BRSK2: variants seen among roughly 807,000 people sequenced by gnomAD.
The protein encoded by BRSK2 is serine/threonine-protein kinase BRSK2.
Under a neutral mutation model 83.3 loss-of-function variants are expected in BRSK2, and 19 were observed. That is an observed-to-expected ratio of 0.23 (90% CI 0.16 to 0.33). BRSK2 has a LOEUF of 0.33. BRSK2 is among the 10% of genes least tolerant of loss of function. The pLI, the probability that BRSK2 is intolerant of heterozygous loss-of-function variation, is 1.00. For synonymous variants in BRSK2, 519 were observed against 435.4 expected (o/e 1.19, Z -2.39); for missense variants, 798 against 1,042.3 (o/e 0.77, Z 3.23).
intron 1 of BRSK2, among the ~76,000 whole-genome samples, chr11:1,395,795 A>G (rs980610292): frequency 1.3e-5 from 2 of 152,208 alleles, no homozygotes; most frequent in African/African-American, 4.8e-5. Context: ...GGAAGCCTCA[A>G]GGCCAGGCTG....
chr11:1,420,996 C>T (rs10833703), intron 1 of BRSK2, among the ~76,000 whole-genome samples: 39,733 of 152,152 alleles, frequency 0.26, 5,352 homozygotes, highest in South Asian at 0.4. Context: ...GGCCTCCCAC[C>T]GACATCTTTC....
chr11:1,453,193 C>T (rs1362929524), intron 15 of BRSK2, among the ~76,000 whole-genome samples: 1 of 152,266 alleles, frequency 6.6e-6, no homozygotes, highest in Non-Finnish European at 1.5e-5. Flanking sequence ...AACACCCAGA[C>T]TAGTGTCCGG....
chr11:1,454,253 G>C lies in BRSK2; in HGVS notation c.1545-232G>C. On this transcript the variant is annotated intron_variant, in intron 15 of 19. Coordinates refer to ENST00000528841, the MANE Select transcript of BRSK2 (RefSeq NM_001256627.2). The surrounding 1 kb of genome is among the most constrained non-coding windows in gnomAD (Gnocchi z 5.2). ...GCCAGGGTCAGGGCGTTAGGGCTTG[G>C]AGAAAGGTTAGGGTTGGGGTTGGGG... 1 of 470,712 alleles carries C rather than the reference G, an allele frequency of 2.1e-6. No homozygotes were observed. The highest frequency in any genetic ancestry group is 2.3e-5 in the South Asian group (1 of 43,948). The allele number at this position is 470,712 out of a possible 1,614,324, so 29.2% of individuals were successfully genotyped here.
chr11:1,412,731 C>T (rs1182991775), intron 1 of BRSK2, among the ~76,000 whole-genome samples: 2 of 150,410 alleles, frequency 1.3e-5, no homozygotes, highest in East Asian at 3.9e-4. Context: ...CAGCCCCAGC[C>T]CAGAGGGGAT....
chr11:1,433,640 G>A (rs559934186), intron 1 of BRSK2, among the ~76,000 whole-genome samples: 1 of 152,366 alleles, frequency 6.6e-6, no homozygotes, highest in Admixed American at 6.5e-5. Flanking sequence ...ATGCAGGCCA[G>A]CCTCGTGCCT....
At chr11:1,459,393 A>C in intron 19 of BRSK2, 154 bp downstream of exon 19, 1 of 833,280 alleles carries the variant, frequency 1.2e-6, no homozygotes, top group Admixed American at 2.0e-5. Flanking sequence ...CCCATCCTCT[A>C]CCAGGAGCAG....
chr11:1,456,125 C>T (rs1360877597), intron 16 of BRSK2, among the ~76,000 whole-genome samples: 2 of 152,192 alleles, frequency 1.3e-5, no homozygotes, highest in East Asian at 3.9e-4. Context: ...AGGGGCTTAG[C>T]TGTGCCCGCT....
chr11:1,451,321 A>C, intron 14 of BRSK2, 50 bp from the exon 15 acceptor site: 6 of 1,607,968 alleles, frequency 3.7e-6, no homozygotes, highest in Non-Finnish European at 5.1e-6. Flanking sequence ...GGGCAGGGGA[A>C]GGATGGAGCG....
At chr11:1,411,582 C>A (rs1275287683) in intron 1 of BRSK2, 1 of 1,582,702 alleles carries the variant, frequency 6.3e-7, no homozygotes, top group East Asian at 2.3e-5. Context: ...CCAGCCGCAC[C>A]TCCACCTTCC....
rs1847568610 is a variant in BRSK2 at position 1,462,114 on chromosome 11, G to A, written c.*1391G>A. On this transcript the variant is annotated 3_prime_UTR_variant, in exon 20 of 20. Coordinates refer to ENST00000528841, the MANE Select transcript of BRSK2 (RefSeq NM_001256627.2). ...TTAAAATGAAAAAATTGAAAAAAAA[G>A]GACAAAGAGTCGGTGGCGCTCCTCT... The A allele has an allele frequency of 6.6e-6, 1 of 152,190 alleles. No individual in the cohort carries two copies. Among genetic ancestry groups the A allele is most frequent in the African/African-American group, 2.4e-5 (1 of 41,450 alleles). The allele number at this position is 152,190 out of a possible 1,614,324, so 9.4% of individuals were successfully genotyped here.
chr11:1,401,643 C>T (rs761998027), intron 1 of BRSK2, among the ~76,000 whole-genome samples: 17 of 152,244 alleles, frequency 1.1e-4, no homozygotes, highest in Admixed American at 7.8e-4. Flanking sequence ...CGGCAGCAGC[C>T]GTGGGTGGTA....
chr11:1,434,167 G>A (rs1320436279), intron 1 of BRSK2, among the ~76,000 whole-genome samples: 3 of 152,250 alleles, frequency 2.0e-5, no homozygotes, highest in Non-Finnish European at 4.4e-5. Context: ...ACACCCACAC[G>A]GTCAGTAAAC....
rs76285599 is a variant in BRSK2, at chr11:1,451,102, G to A, written c.1496-269G>A. On this transcript the variant is annotated intron_variant, in intron 14 of 19. Transcript: ENST00000528841. The stretch of plus-strand genomic sequence containing the variant: ...CTGCCAGTCAGGAGGCCCCATGTGT[G>A]GGGCACCAAGGGCCAGCCAGTGCTG... Among the ~76,000 whole-genome samples, 1,295 of 152,350 alleles carry A rather than the reference G, an allele frequency of 8.5e-3. 5 individuals are homozygous for A. Among genetic ancestry groups the A allele is most frequent in the Non-Finnish European group, 0.013 (863 of 68,020 alleles).
chr11:1,450,895 G>A, intron 14 of BRSK2, 101 bp downstream of exon 14: 1 of 1,180,844 alleles, frequency 8.5e-7, no homozygotes, highest in Non-Finnish European at 1.2e-6. Context: ...CGAGGGGCCT[G>A]TAGCTGCAGG....
rs577427693 is a variant in BRSK2 at position 1,438,765 on chromosome 11, T to C, written c.272+374T>C. Among the ~76,000 whole-genome samples the C allele has an allele frequency of 1.3e-5, 2 of 152,246 alleles. No individual in the cohort carries two copies. The highest frequency in any genetic ancestry group is 4.2e-4 in the South Asian group (2 of 4,818). The stretch of plus-strand genomic sequence containing the variant: ...CCTCTGCCCAGGACGTCCCCAGCCC[T>C]GGGCAGTGAGCCATGTCTCTATCCC... On this transcript the variant is annotated intron_variant, in intron 3 of 19. Transcript: ENST00000528841. The surrounding 1 kb of genome is among the most constrained non-coding windows in gnomAD (Gnocchi z 6.4).
At chr11:1,392,028 G>A (rs1177219277) in intron 1 of BRSK2, among the ~76,000 whole-genome samples, 1 of 152,194 alleles carries the variant, frequency 6.6e-6, no homozygotes, top group Non-Finnish European at 1.5e-5. Flanking sequence ...GCTCGAGGGG[G>A]GGCACAAAGC....
chr11:1,428,491 G>C (rs1282549662), intron 1 of BRSK2, among the ~76,000 whole-genome samples: 1 of 152,236 alleles, frequency 6.6e-6, no homozygotes, highest in Non-Finnish European at 1.5e-5. Context: ...CTGTGAAATA[G>C]GGGTGAAGGG....
At position 1,410,888 on chromosome 11, in the gene BRSK2, C is replaced by T. The variant is rs180823911; in HGVS notation, c.91+20513C>T. Reference sequence around the variant, plus strand: ...AGCCACTTGGTAGGAGGGCCTTCGACGGCCCTTTTGTGCAGAAGGTGGGTG... The same window carrying T: ...AGCCACTTGGTAGGAGGGCCTTCGATGGCCCTTTTGTGCAGAAGGTGGGTG... On this transcript the variant is annotated intron_variant, in intron 1 of 19. Coordinates refer to ENST00000528841, the MANE Select transcript of BRSK2 (RefSeq NM_001256627.2). 340 of 986,166 alleles carry T rather than the reference C, an allele frequency of 3.4e-4. 2 individuals are homozygous for T. In the African/African-American group the frequency reaches 4.9e-3, roughly 14 times the overall value. 61.1% of individuals were successfully genotyped at this position (986,166 alleles called of 1,614,324 possible).
At chr11:1,398,127 C>CG (rs1289638390) in intron 1 of BRSK2, among the ~76,000 whole-genome samples, 1 of 152,106 alleles carries the variant, frequency 6.6e-6, no homozygotes, top group African/African-American at 2.4e-5. Context: ...GTCGCCTCTG[C>CG]GGGTGTCTTG....
Sources: allele counts gnomAD v4.1 joint callset (sites outside exome capture counted in the v4.1 genomes callset), GRCh38; gene constraint gnomAD v4.1.1; non-coding constraint Gnocchi (gnomAD v3.1); transcripts MANE v1.5; gene names NCBI Gene and HGNC (gene_info 2026-07-23, HGNC 2026-07-21).